The following PLA1A variants were observed in gnomAD, a reference collection of about 807,000 sequenced individuals.
PLA1A encodes phosphatidylserine-specific phospholipase A1alpha.
In PLA1A, 47 loss-of-function variants were observed where a neutral mutation model predicts 49.4. The observed-to-expected ratio is 0.95, with a 90% CI of 0.75 to 1.21. PLA1A has a LOEUF of 1.21. PLA1A is among the 50% of genes most tolerant of loss of function. The pLI, the probability that PLA1A is intolerant of heterozygous loss-of-function variation, is 0.00. For synonymous variants in PLA1A, 224 were observed against 207.9 expected (o/e 1.08, Z -0.67); for missense variants, 561 against 563.9 (o/e 0.99, Z 0.05).
At chr3:119,619,460 G>A (rs532782263) in intron 7 of PLA1A, 103 bp from the exon 8 acceptor site, 100 of 801,750 alleles carry the variant, frequency 1.2e-4, no homozygotes, top group Middle Eastern at 2.2e-4. Flanking sequence ...GTAGATGTCC[G>A]TGGAATAAAT....
rs115671728 is a variant in PLA1A at position 119,599,822 on chromosome 3, A to T, written c.73+1836A>T. Among the ~76,000 whole-genome samples, 1,194 of 152,222 alleles carry T rather than the reference A, an allele frequency of 7.8e-3. 14 individuals are homozygous for T. Among genetic ancestry groups the T allele is most frequent in the African/African-American group, 0.028 (1,144 of 41,532 alleles). ...CCCAGTGAGGCATTCTCTATTTCCC[A>T]TCCGCTTCTCTTCCTTTCCCACCTT... is the stretch of plus-strand genomic sequence containing the variant. On this transcript the variant is annotated intron_variant, in intron 1 of 10. Coordinates refer to ENST00000273371, the MANE Select transcript of PLA1A (RefSeq NM_015900.4).
chr3:119,613,231 C>A, intron 5 of PLA1A, 113 bp downstream of exon 5: 1 of 658,664 alleles, frequency 1.5e-6, no homozygotes, highest in South Asian at 1.9e-5. Context: ...CTCTGAGCTT[C>A]TGTTGCACAG....
chr3:119,607,769 C>T (rs2082708496), intron 2 of PLA1A, among the ~76,000 whole-genome samples: 2 of 152,158 alleles, frequency 1.3e-5, no homozygotes, highest in African/African-American at 4.8e-5. Context: ...CTTTCCAAGG[C>T]TGAGTGTGTA....
rs765197993 is a variant in PLA1A at position 119,606,781 on chromosome 3, A to T, written c.81A>T (p.Ala27=). 1 of 1,613,586 alleles carries T rather than the reference A, an allele frequency of 6.2e-7. No individual in the cohort carries two copies. Among genetic ancestry groups the T allele is most frequent in the Non-Finnish European group, 8.5e-7 (1 of 1,179,740 alleles). ...TGTTTTGTTTTCCTCCAGGGGATGCACCTCCTACCCCACAGCCAAAGTGCG... is the reference window on the plus strand; with the variant it reads ...TGTTTTGTTTTCCTCCAGGGGATGCTCCTCCTACCCCACAGCCAAAGTGCG... ...LWLSVGSSGD[A]PPTPQPKCAD... is the part of the protein sequence containing the mutation. Residue 27 remains alanine, a synonymous_variant, in exon 2 of 11, where the codon GCA becomes GCT. Coordinates refer to ENST00000273371, the MANE Select transcript of PLA1A (RefSeq NM_015900.4).
intron 1 of PLA1A, among the ~76,000 whole-genome samples, chr3:119,601,842 T>C (rs1328434125): frequency 1.3e-5 from 2 of 152,260 alleles, no homozygotes; most frequent in Admixed American, 1.3e-4. Context: ...TTAGGAGATA[T>C]CCTTTCTTAT....
At chr3:119,628,253 A>G (rs1419913579) in intron 9 of PLA1A, among the ~76,000 whole-genome samples, 1 of 152,242 alleles carries the variant, frequency 6.6e-6, no homozygotes, top group African/African-American at 2.4e-5. Flanking sequence ...TCTGCGCTTC[A>G]TGATGTTTTC....
At chr3:119,622,381 C>T (rs562258220) in intron 8 of PLA1A, among the ~76,000 whole-genome samples, 47 of 152,250 alleles carry the variant, frequency 3.1e-4, no homozygotes, top group African/African-American at 1.0e-3. Context: ...CAGCCCTTGC[C>T]CGTCCCCATA....
intron 5 of PLA1A, among the ~76,000 whole-genome samples, chr3:119,614,501 G>C (rs2082816917): frequency 6.6e-6 from 1 of 151,514 alleles, no homozygotes; most frequent in South Asian, 2.1e-4. Context: ...AGCTACTCTG[G>C]AGGCTGAGGC....
chr3:119,624,031 G>A (rs947334298), intron 8 of PLA1A, among the ~76,000 whole-genome samples: 2 of 152,142 alleles, frequency 1.3e-5, no homozygotes, highest in Non-Finnish European at 1.5e-5. Flanking sequence ...GACCTTATGA[G>A]TTAAACCTTT....
intron 4 of PLA1A, among the ~76,000 whole-genome samples, chr3:119,609,841 T>C (rs1022965914): frequency 6.6e-6 from 1 of 152,252 alleles, no homozygotes; most frequent in Non-Finnish European, 1.5e-5. Flanking sequence ...AAAAAACTTT[T>C]AGATTCAGGA....
chr3:119,617,896 G>C, intron 6 of PLA1A, 123 bp from the exon 7 acceptor site: 2 of 646,296 alleles, frequency 3.1e-6, no homozygotes, highest in South Asian at 5.1e-5. Context: ...AAAGTGATTT[G>C]AGGGGACTCC....
At chr3:119,604,112 C>T (rs2082652622) in intron 1 of PLA1A, among the ~76,000 whole-genome samples, 1 of 151,974 alleles carries the variant, frequency 6.6e-6, no homozygotes. Context: ...TTAACCCATA[C>T]ATTCCTTAAA....
Position 119,625,243 on chromosome 3 carries a change from G to C in PLA1A, c.1121+11G>C. On this transcript the variant is annotated intron_variant, in intron 9 of 10. Transcript: ENST00000273371. ...ATCTAAGATCACCATGTACGTAAGT[G>C]TCCCACCTGGTTGACTCCTCCCCTT... 6.5e-7 allele frequency: 1 copy of C among 1,534,378 alleles called. No homozygotes were observed. The highest frequency in any genetic ancestry group is 1.7e-4 in the Middle Eastern group (1 of 5,914).
chr3:119,621,391 T>C (rs1052286699), intron 8 of PLA1A, among the ~76,000 whole-genome samples: 2 of 152,298 alleles, frequency 1.3e-5, no homozygotes, highest in East Asian at 3.9e-4. Context: ...CTGTCACTTC[T>C]AGGGATGGAA....
chr3:119,602,360 TTGAC>T (rs1374920039), intron 1 of PLA1A, among the ~76,000 whole-genome samples: 3 of 152,218 alleles, frequency 2.0e-5, no homozygotes, highest in East Asian at 3.8e-4. Context: ...TTTTCCTTTC[TTGAC>T]TAAGTTTTGG....
At chr3:119,603,273 G>A (rs1171754585) in intron 1 of PLA1A, among the ~76,000 whole-genome samples, 1 of 152,250 alleles carries the variant, frequency 6.6e-6, no homozygotes, top group Non-Finnish European at 1.5e-5. Context: ...GGCTGTGAGA[G>A]ATGATGGTGG....
chr3:119,614,410 G>T (rs1371354970), intron 5 of PLA1A, among the ~76,000 whole-genome samples: 2 of 151,766 alleles, frequency 1.3e-5, no homozygotes, highest in East Asian at 1.9e-4. Flanking sequence ...GAGACCATCT[G>T]GGCTAACAAA....
rs908898672 is a variant in PLA1A at position 119,601,492 on chromosome 3, T to C, written c.73+3506T>C. ...ATTTTCAGACTCAGACAAGCCAGTA[T>C]TTCATTCTGCACCCCTCATTTCTAT... On this transcript the variant is annotated intron_variant, in intron 1 of 10. Transcript: ENST00000273371. 5.9e-5 allele frequency among the ~76,000 whole-genome samples: 9 copies of C among 152,348 alleles called. 1 individual carries two copies. In the South Asian group the frequency reaches 1.9e-3, roughly 32 times the overall value.
In PLA1A at chr3:119,628,694, CT is replaced by C. The variant is rs1326600377; in HGVS notation, c.1122-5del. ...TCATTTACTTTCCCTTTACCCTTTTCTTGCAGACCTAAGCAGCAACGCTATG... is the reference window on the plus strand; with the variant it reads ...TCATTTACTTTCCCTTTACCCTTTTCTGCAGACCTAAGCAGCAACGCTATG... On this transcript the variant is annotated splice_region_variant and splice_polypyrimidine_tract_variant and intron_variant, in intron 9 of 10. Transcript: ENST00000273371. 1 of 1,613,664 alleles carries C rather than the reference CT, an allele frequency of 6.2e-7. No individual in the cohort carries two copies. The highest frequency in any genetic ancestry group is 1.3e-5 in the African/African-American group (1 of 74,920).
Sources: allele counts gnomAD v4.1 joint callset (sites outside exome capture counted in the v4.1 genomes callset), GRCh38; gene constraint gnomAD v4.1.1; transcripts MANE v1.5; gene names NCBI Gene and HGNC (gene_info 2026-07-23, HGNC 2026-07-21).